ANXA6: variants seen among roughly 807,000 people sequenced by gnomAD.
The protein encoded by ANXA6 is annexin A6.
A neutral mutation model predicts 95.4 loss-of-function variants in ANXA6; 71 were observed. The observed-to-expected ratio is 0.74, with a 90% confidence interval of 0.61 to 0.91. The LOEUF (loss-of-function observed/expected upper bound fraction) is 0.91. Ranked by LOEUF, ANXA6 falls within the 40% of genes least tolerant of loss-of-function variation. The probability of loss-of-function intolerance (pLI) is 0.00; values close to 1 mark genes in which losing one functional copy is unlikely to be tolerated. For synonymous variants in ANXA6, 289 were observed against 315.9 expected (o/e 0.91, Z 0.90); for missense variants, 830 against 876.4 (o/e 0.95, Z 0.67).
chr5:151,138,447 G>A (rs1220348216), intron 5 of ANXA6, among the ~76,000 whole-genome samples: 1 of 152,138 alleles, frequency 6.6e-6, no homozygotes, highest in Non-Finnish European at 1.5e-5. Context: ...CCTATAACCT[G>A]TATCCTTGGA....
intron 3 of ANXA6, among the ~76,000 whole-genome samples, chr5:151,139,890 C>T (rs1033129070): frequency 6.6e-6 from 1 of 152,126 alleles, no homozygotes; most frequent in Non-Finnish European, 1.5e-5. Context: ...GGGGGATCTA[C>T]CAAGGAAACT....
intron 14 of ANXA6, among the ~76,000 whole-genome samples, chr5:151,125,364 A>C (rs1374380391): frequency 6.8e-6 from 1 of 147,124 alleles, no homozygotes; most frequent in Non-Finnish European, 1.5e-5. Flanking sequence ...AAAAAAAGGA[A>C]TGGATGAAAT....
At chr5:151,142,281 C>G (rs1201585842) in intron 2 of ANXA6, among the ~76,000 whole-genome samples, 2 of 152,174 alleles carry the variant, frequency 1.3e-5, no homozygotes, top group Non-Finnish European at 2.9e-5. Context: ...AGTCAGAGAC[C>G]AGCCTGGCCA....
Position 151,100,798 on chromosome 5 carries a change from T to C in ANXA6, c.*650A>G. ...TCGGAGGCATACTTTAGGAAGTTAATGTTAGAAGGGAAGCCAAGATTTTTT... is the reference window on the plus strand; with the variant it reads ...TCGGAGGCATACTTTAGGAAGTTAACGTTAGAAGGGAAGCCAAGATTTTTT... On this transcript the variant is annotated 3_prime_UTR_variant, in exon 26 of 26. Coordinates refer to ENST00000354546, the MANE Select transcript of ANXA6 (RefSeq NM_001155.5). The C allele has an allele frequency of 2.2e-6, 1 of 447,958 alleles. No homozygotes were observed. Among genetic ancestry groups the C allele is most frequent in the Non-Finnish European group, 4.5e-6 (1 of 221,254 alleles). The allele number at this position is 447,958 out of a possible 1,614,324, so 27.7% of individuals were successfully genotyped here.
chr5:151,140,435 G>A lies in ANXA6; in HGVS notation c.19-192C>T, dbSNP rs953497038. On this transcript the variant is annotated intron_variant, in intron 2 of 25. Transcript: ENST00000354546. ...TACCACCTGCTGCAACCCGCCCAAAGGACAGTGCCATTTCCCCAAGGGAGG... is the reference window on the plus strand; with the variant it reads ...TACCACCTGCTGCAACCCGCCCAAAAGACAGTGCCATTTCCCCAAGGGAGG... The A allele has an allele frequency of 2.0e-5, 12 of 595,488 alleles. No homozygotes were observed. In the East Asian group the frequency reaches 2.3e-4, roughly 11 times the overall value. The allele number at this position is 595,488 out of a possible 1,614,324, so 36.9% of individuals were successfully genotyped here.
chr5:151,155,563 A>G (rs1288624158), intron 1 of ANXA6: 1 of 152,034 alleles, frequency 6.6e-6, no homozygotes, highest in Middle Eastern at 3.2e-3. Context: ...CCTCCCCTCT[A>G]TTGGCAGGAG....
At chr5:151,139,314 C>T (rs2113944617) in intron 4 of ANXA6, 39 bp downstream of exon 4, 17 of 1,405,252 alleles carry the variant, frequency 1.2e-5, no homozygotes, top group Non-Finnish European at 1.6e-5. Context: ...AATCATTCTT[C>T]CACCCGCACC....
At position 151,139,359 on chromosome 5, in the gene ANXA6, G is replaced by A. The variant is rs577914606; in HGVS notation, c.198C>T (p.Tyr66=). The A allele has an allele frequency of 1.3e-5, 21 of 1,610,384 alleles. No homozygotes were observed. The highest frequency in any genetic ancestry group is 4.4e-5 in the South Asian group (4 of 90,722). ...QEVCQSYKSL[Y]GKDLIADLKY... Reference sequence around the variant, plus strand: ...CTCCGGTTGCTGTGGTTACCTTGCCGTAGAGGGACTTGTAGCTCTGGCAGA... The same window carrying A: ...CTCCGGTTGCTGTGGTTACCTTGCCATAGAGGGACTTGTAGCTCTGGCAGA... Residue 66 remains tyrosine, a synonymous_variant, in exon 4 of 26, where the codon TAC becomes TAT. Transcript: ENST00000354546.
chr5:151,154,231 G>T (rs1406473783), intron 1 of ANXA6, among the ~76,000 whole-genome samples: 1 of 151,266 alleles, frequency 6.6e-6, no homozygotes. Flanking sequence ...AACAGAAAAT[G>T]AGACAGACAA....
At chr5:151,150,760 G>C (rs1766089156) in intron 1 of ANXA6, among the ~76,000 whole-genome samples, 1 of 152,188 alleles carries the variant, frequency 6.6e-6, no homozygotes, top group Non-Finnish European at 1.5e-5. Flanking sequence ...ATCTACCCCG[G>C]GATGAGGCTG....
intron 13 of ANXA6, among the ~76,000 whole-genome samples, chr5:151,127,383 A>G (rs144055549): frequency 1.4e-4 from 22 of 152,330 alleles, no homozygotes; most frequent in African/African-American, 5.1e-4. Context: ...GTAATGTCCC[A>G]ATTTAACATT....
chr5:151,145,069 G>C (rs907431286), intron 2 of ANXA6, among the ~76,000 whole-genome samples: 2 of 152,250 alleles, frequency 1.3e-5, no homozygotes, highest in Admixed American at 1.3e-4. Flanking sequence ...ACAGGTTCCC[G>C]GCTGCGGGAA....
chr5:151,139,563 C>G (rs1765769986), intron 3 of ANXA6, 116 bp from the exon 4 acceptor site: 1 of 718,810 alleles, frequency 1.4e-6, no homozygotes. Flanking sequence ...CAGCATGAGC[C>G]TTCCACTCAT....
intron 20 of ANXA6, among the ~76,000 whole-genome samples, chr5:151,114,065 AG>A (rs372781063): frequency 2.7e-4 from 41 of 152,286 alleles, no homozygotes; most frequent in Middle Eastern, 3.4e-3. Context: ...TATTGACATG[AG>A]GTGTTTGGAA....
intron 2 of ANXA6, among the ~76,000 whole-genome samples, chr5:151,146,861 A>C: frequency 6.6e-6 from 1 of 152,158 alleles, no homozygotes; most frequent in Admixed American, 6.5e-5. Context: ...ATCTCAGCTC[A>C]TCACAGCCTC....
At chr5:151,108,772 G>A (rs1023022881) in intron 22 of ANXA6, among the ~76,000 whole-genome samples, 7 of 152,360 alleles carry the variant, frequency 4.6e-5, no homozygotes, top group African/African-American at 1.7e-4. Flanking sequence ...TCTGTCCCAC[G>A]CCAGTCCCCG....
chr5:151,121,620 C>T (rs1765171133), intron 17 of ANXA6, among the ~76,000 whole-genome samples: 1 of 152,152 alleles, frequency 6.6e-6, no homozygotes, highest in Non-Finnish European at 1.5e-5. Flanking sequence ...TAAGGAATGG[C>T]CCAGTCACAC....
intron 20 of ANXA6, among the ~76,000 whole-genome samples, chr5:151,111,401 T>G (rs1441411409): frequency 6.6e-6 from 1 of 152,196 alleles, no homozygotes; most frequent in Non-Finnish European, 1.5e-5. Flanking sequence ...TAGACTGAAC[T>G]CTTTATAAAC....
At chr5:151,105,391 G>A (rs924652030) in intron 23 of ANXA6, 88 bp from the exon 24 acceptor site, 24 of 1,154,398 alleles carry the variant, frequency 2.1e-5, no homozygotes, top group African/African-American at 3.0e-5. Flanking sequence ...TCCCCACCTC[G>A]TCTATCCCTG....
Sources: allele counts gnomAD v4.1 joint callset (sites outside exome capture counted in the v4.1 genomes callset), GRCh38; gene constraint gnomAD v4.1.1; transcripts MANE v1.5; gene names NCBI Gene and HGNC (gene_info 2026-07-23, HGNC 2026-07-21).